Variants in GRM5 observed in about 807,000 individuals in gnomAD.
GRM5 encodes the protein metabotropic glutamate receptor 5.
Under a neutral mutation model 83.1 loss-of-function variants are expected in GRM5, and 19 were observed. That is an observed-to-expected ratio of 0.23 (90% CI 0.16 to 0.34). The LOEUF (loss-of-function observed/expected upper bound fraction) is 0.34, where lower values mean the gene tolerates loss of function less well. GRM5 is among the 10% of genes least tolerant of loss of function. The pLI is 1.00. For synonymous variants in GRM5, 675 were observed against 633.6 expected (o/e 1.07, Z -0.98); for missense variants, 1,160 against 1,588.3 (o/e 0.73, Z 4.58).
intron 2 of GRM5, among the ~76,000 whole-genome samples, chr11:88,989,593 T>C (rs1379171048): frequency 4.3e-5 from 6 of 138,690 alleles, no homozygotes; most frequent in Non-Finnish European, 6.1e-5. Context: ...TATTCCAAAA[T>C]TGACCACATA....
intron 2 of GRM5, among the ~76,000 whole-genome samples, chr11:88,988,454 G>C (rs1355223336): frequency 6.6e-6 from 1 of 152,090 alleles, no homozygotes; most frequent in African/African-American, 2.4e-5. Flanking sequence ...TTATCCAGGA[G>C]AACTTCCCCA....
intron 2 of GRM5, among the ~76,000 whole-genome samples, chr11:89,004,191 CT>C (rs1201359631): frequency 1.3e-5 from 2 of 152,156 alleles, no homozygotes; most frequent in Admixed American, 6.5e-5. Flanking sequence ...TAACAACTTT[CT>C]CTTAAATGCA....
At chr11:88,535,369 C>A (rs980158059) in intron 8 of GRM5, among the ~76,000 whole-genome samples, 2 of 152,162 alleles carry the variant, frequency 1.3e-5, no homozygotes, top group African/African-American at 4.8e-5. Flanking sequence ...AAAACATAGT[C>A]TCTTTTTCTG....
At chr11:88,897,094 C>A (rs1380331170) in intron 2 of GRM5, among the ~76,000 whole-genome samples, 5 of 151,850 alleles carry the variant, frequency 3.3e-5, no homozygotes, top group African/African-American at 1.2e-4. Context: ...TCATGGATGG[C>A]TAAACCTAAA....
chr11:88,661,772 T>C (rs145310556), intron 3 of GRM5, among the ~76,000 whole-genome samples: 4 of 152,096 alleles, frequency 2.6e-5, no homozygotes, highest in African/African-American at 9.7e-5. Flanking sequence ...TTGCCCAGGA[T>C]GGATTCAAAC....
chr11:88,859,496 T>A (rs1368299788), intron 2 of GRM5, among the ~76,000 whole-genome samples: 1 of 152,132 alleles, frequency 6.6e-6, no homozygotes, highest in African/African-American at 2.4e-5. Flanking sequence ...TCACTCCAAA[T>A]GTGTTATTAT....
chr11:89,065,398 TG>T (rs1942081031), intron 1 of GRM5, among the ~76,000 whole-genome samples: 1 of 142,142 alleles, frequency 7.0e-6, no homozygotes, highest in Non-Finnish European at 1.5e-5. Flanking sequence ...TTTCCTCCTC[TG>T]TTTTTTTTTT....
intron 2 of GRM5, among the ~76,000 whole-genome samples, chr11:89,033,525 T>A (rs1368168879): frequency 6.6e-6 from 1 of 152,014 alleles, no homozygotes; most frequent in Non-Finnish European, 1.5e-5. Context: ...ATGTTGAATT[T>A]TTAAATTTTT....
chr11:88,898,910 T>G (rs1945274896), intron 2 of GRM5, among the ~76,000 whole-genome samples: 1 of 151,952 alleles, frequency 6.6e-6, no homozygotes, highest in South Asian at 2.1e-4. Flanking sequence ...AATGGAAAAA[T>G]GGATGGATGA....
intron 3 of GRM5, among the ~76,000 whole-genome samples, chr11:88,847,733 T>C (rs868113951): frequency 1.3e-5 from 2 of 152,142 alleles, no homozygotes; most frequent in East Asian, 1.9e-4. Context: ...AGCCAGTTAA[T>C]GTGGGGATAA....
At chr11:88,825,741 C>T (rs1224452536) in intron 3 of GRM5, among the ~76,000 whole-genome samples, 1 of 152,152 alleles carries the variant, frequency 6.6e-6, no homozygotes, top group African/African-American at 2.4e-5. Flanking sequence ...CAAATACTGG[C>T]TCTAACCACA....
chr11:88,506,311 T>C lies in GRM5; in HGVS notation c.*2281A>G, dbSNP rs1941182600. ...AACTGGTCTAGAGTGAAACGTATTGTACTTGAGAATAAAATGAAAATCAAC... is the reference window on the plus strand; with the variant it reads ...AACTGGTCTAGAGTGAAACGTATTGCACTTGAGAATAAAATGAAAATCAAC... On this transcript the variant is annotated 3_prime_UTR_variant, in exon 10 of 10. Transcript: ENST00000305447. 6.6e-6 allele frequency: 1 copy of C among 152,312 alleles called. No individual in the cohort carries two copies. The highest frequency in any genetic ancestry group is 2.4e-5 in the African/African-American group (1 of 41,568). 9.4% of individuals were successfully genotyped at this position (152,312 alleles called of 1,614,324 possible).
chr11:88,573,957 C>T (rs1336220809), intron 7 of GRM5, among the ~76,000 whole-genome samples: 1 of 152,196 alleles, frequency 6.6e-6, no homozygotes, highest in East Asian at 1.9e-4. Context: ...TTTTTCATCA[C>T]TTCCATAATT....
chr11:88,573,757 A>T (rs1265285968), intron 7 of GRM5, among the ~76,000 whole-genome samples: 1 of 152,174 alleles, frequency 6.6e-6, no homozygotes. Flanking sequence ...GACTAACAAC[A>T]TCATGCTTGC....
Position 88,961,012 on chromosome 11 carries a change from G to T in GRM5, c.661+86200C>A, listed in dbSNP as rs569559492. 2.6e-5 allele frequency among the ~76,000 whole-genome samples: 4 copies of T among 152,290 alleles called. No individual in the cohort carries two copies. In the South Asian group the frequency reaches 8.3e-4, roughly 32 times the overall value. The stretch of plus-strand genomic sequence containing the variant: ...GAACACATAGCTAATAACTGGTAGA[G>T]TCTGGATTTCAATCCAATGGTGTTC... On this transcript the variant is annotated intron_variant, in intron 2 of 9. Coordinates refer to ENST00000305447, the MANE Select transcript of GRM5 (RefSeq NM_001143831.3).
chr11:88,512,719 G>T (rs1941411739), intron 9 of GRM5, among the ~76,000 whole-genome samples: 1 of 152,196 alleles, frequency 6.6e-6, no homozygotes, highest in African/African-American at 2.4e-5. Context: ...ATTTGGTTAA[G>T]GTTGTTTTGA....
intron 2 of GRM5, among the ~76,000 whole-genome samples, chr11:88,962,810 T>A (rs1004582829): frequency 6.6e-6 from 1 of 152,082 alleles, no homozygotes; most frequent in Admixed American, 6.5e-5. Context: ...AAACTTACCA[T>A]CCCAGCACGG....
At chr11:88,587,699 C>T in intron 7 of GRM5, among the ~76,000 whole-genome samples, 1 of 152,074 alleles carries the variant, frequency 6.6e-6, no homozygotes. Context: ...TCTCTGTACC[C>T]AGAGGAAGTG....
chr11:88,967,252 T>TATATATATATATATATATATATACAC (rs1939011259), intron 2 of GRM5, among the ~76,000 whole-genome samples: 1 of 16,152 alleles, frequency 6.2e-5, no homozygotes, highest in Admixed American at 1.1e-3. Context: ...TATACACATA[T>TATATATATATATATATATATATACAC]ATATATATAT....
Sources: allele counts gnomAD v4.1 joint callset (sites outside exome capture counted in the v4.1 genomes callset), GRCh38; gene constraint gnomAD v4.1.1; transcripts MANE v1.5; gene names NCBI Gene and HGNC (gene_info 2026-07-23, HGNC 2026-07-21).